The following PDE10A variants were observed in gnomAD, a reference collection of about 807,000 sequenced individuals.
The protein encoded by PDE10A is cAMP and cAMP-inhibited cGMP 3',5'-cyclic phosphodiesterase 10A.
A neutral mutation model predicts 97.7 loss-of-function variants in PDE10A; 39 were observed. The ratio of observed to expected loss-of-function variants is 0.40; its 90% CI spans 0.31 to 0.52. The LOEUF (loss-of-function observed/expected upper bound fraction) is 0.52. PDE10A is among the 20% of genes least tolerant of loss of function. The pLI is 0.56. For missense variants in PDE10A, 731 were observed against 1,047.8 expected (o/e 0.70, Z 4.17); for synonymous variants, 371 against 376.8 (o/e 0.98, Z 0.18).
At chr6:165,678,099 GTGTA>G (rs1477378713) in intron 1 of PDE10A, among the ~76,000 whole-genome samples, 1 of 93,638 alleles carries the variant, frequency 1.1e-5, no homozygotes, top group Admixed American at 1.0e-4. Flanking sequence ...GTATTAATAT[GTGTA>G]TGTATTTGTG....
intron 2 of PDE10A, among the ~76,000 whole-genome samples, chr6:165,517,631 C>A (rs1175935835): frequency 1.3e-5 from 2 of 152,132 alleles, no homozygotes; most frequent in African/African-American, 2.4e-5. Flanking sequence ...CTCAAAAAGG[C>A]TCGACACTGC....
chr6:165,820,771 G>C (rs751725676), intron 1 of PDE10A, among the ~76,000 whole-genome samples: 43 of 152,316 alleles, frequency 2.8e-4, no homozygotes, highest in Non-Finnish European at 5.0e-4. Context: ...AAAAAACTGG[G>C]GAAGGCTCTT....
chr6:165,435,517 A>G, intron 5 of PDE10A, 140 bp from the exon 6 acceptor site: 1 of 635,630 alleles, frequency 1.6e-6, no homozygotes, highest in East Asian at 3.0e-5. Context: ...GTGCTTTGCC[A>G]TGATCAAACC....
At chr6:165,857,035 C>G (rs1400674420) in intron 1 of PDE10A, among the ~76,000 whole-genome samples, 1 of 152,192 alleles carries the variant, frequency 6.6e-6, no homozygotes, top group Non-Finnish European at 1.5e-5. Context: ...ATTCATCACC[C>G]AAGATACGCA....
At chr6:165,723,680 C>T (rs1792220451) in intron 1 of PDE10A, among the ~76,000 whole-genome samples, 1 of 152,210 alleles carries the variant, frequency 6.6e-6, no homozygotes, top group African/African-American at 2.4e-5. Context: ...AAATGAATAA[C>T]ACCCAGCCTT....
chr6:165,972,565 G>A (rs1020891343), intron 1 of PDE10A, among the ~76,000 whole-genome samples: 20 of 152,214 alleles, frequency 1.3e-4, no homozygotes, highest in South Asian at 2.1e-4. Context: ...GAGACACAGC[G>A]CACCCAAGCA....
rs147335549 is a variant in PDE10A at position 165,897,623 on chromosome 6, C to A, written c.-615+89906G>T. Among the ~76,000 whole-genome samples, 886 of 150,340 alleles carry A rather than the reference C, an allele frequency of 5.9e-3. 10 individuals are homozygous for A. The highest frequency in any genetic ancestry group is 0.019 in the African/African-American group (780 of 40,844). On this transcript the variant is annotated intron_variant, in intron 1 of 19. Coordinates refer to the PDE10A transcript ENST00000366882. ...TGGCAGGGGAGTGAGAAGGACCAGA[C>A]CCGCCCCCCAGCCCCCCCACCTCCA... is the stretch of plus-strand genomic sequence containing the variant.
chr6:165,663,306 C>T (rs888252093), upstream of PDE10A, among the ~76,000 whole-genome samples: 6 of 152,022 alleles, frequency 3.9e-5, no homozygotes, highest in African/African-American at 1.4e-4. Flanking sequence ...GTAGCGCGCC[C>T]CGCGGGACTC....
chr6:165,534,419 G>C (rs1782958100), intron 2 of PDE10A, among the ~76,000 whole-genome samples: 1 of 151,670 alleles, frequency 6.6e-6, no homozygotes, highest in Non-Finnish European at 1.5e-5. Context: ...AAACACTGAG[G>C]AGGAGAAAAT....
intron 1 of PDE10A, among the ~76,000 whole-genome samples, chr6:165,856,577 C>A (rs1476534416): frequency 6.6e-6 from 1 of 152,226 alleles, no homozygotes; most frequent in Admixed American, 6.5e-5. Context: ...TAAAACCACA[C>A]ACTTAGGAAC....
At chr6:165,783,656 C>G (rs1583082702) in intron 1 of PDE10A, among the ~76,000 whole-genome samples, 1 of 152,138 alleles carries the variant, frequency 6.6e-6, no homozygotes, top group Admixed American at 6.5e-5. Flanking sequence ...ACATTCAGAG[C>G]AAAGGTATCA....
intron 1 of PDE10A, among the ~76,000 whole-genome samples, chr6:165,905,364 T>C (rs1782231276): frequency 6.6e-6 from 1 of 152,182 alleles, no homozygotes; most frequent in East Asian, 1.9e-4. Flanking sequence ...CTAGCCTAAG[T>C]TTACATACAT....
chr6:165,845,808 A>C (rs1048333219), intron 1 of PDE10A, among the ~76,000 whole-genome samples: 3 of 151,964 alleles, frequency 2.0e-5, no homozygotes, highest in African/African-American at 4.8e-5. Flanking sequence ...AAATATGTAC[A>C]TGATTTATTA....
At chr6:165,955,758 G>A (rs946637192) in intron 1 of PDE10A, among the ~76,000 whole-genome samples, 14 of 152,244 alleles carry the variant, frequency 9.2e-5, no homozygotes, top group Middle Eastern at 3.4e-3. Flanking sequence ...TTCTAGTAAC[G>A]TGTTAACTAG....
chr6:165,590,795 G>C (rs1489182237), intron 1 of PDE10A, among the ~76,000 whole-genome samples: 1 of 152,176 alleles, frequency 6.6e-6, no homozygotes, highest in Non-Finnish European at 1.5e-5. Context: ...GGAGGCTGAG[G>C]CAGGAGAATG....
At chr6:165,454,805 T>C (rs945203604) in intron 3 of PDE10A, among the ~76,000 whole-genome samples, 2 of 152,228 alleles carry the variant, frequency 1.3e-5, no homozygotes, top group East Asian at 1.9e-4. Context: ...GCGCAGACTA[T>C]TGACATATTT....
At position 165,866,666 on chromosome 6, in the gene PDE10A, C is replaced by CA. The variant is rs1491487414; in HGVS notation, c.-615+120862dup. 5.8e-4 allele frequency among the ~76,000 whole-genome samples: 30 copies of CA among 51,528 alleles called. 1 individual carries two copies. Among genetic ancestry groups the CA allele is most frequent in the South Asian group, 9.9e-4 (1 of 1,014 alleles). The allele number at this position is 51,528 out of a possible 152,430, so 33.8% of individuals were successfully genotyped here. ...AAGACAAAGAGAATTCTAAAAACAG[C>CA]AAAAAAACAACAAAAAAGAGTCAGT... On this transcript the variant is annotated intron_variant, in intron 1 of 19. Coordinates refer to the PDE10A transcript ENST00000366882.
At chr6:165,444,710 T>C (rs190412087) in intron 5 of PDE10A, among the ~76,000 whole-genome samples, 2 of 152,162 alleles carry the variant, frequency 1.3e-5, no homozygotes, top group East Asian at 3.9e-4. Context: ...AAATGTTCTA[T>C]GTGAAAAAAA....
chr6:165,760,561 T>C (rs867780483), intron 1 of PDE10A, among the ~76,000 whole-genome samples: 13 of 152,202 alleles, frequency 8.5e-5, no homozygotes, highest in South Asian at 4.1e-4. Context: ...GTTTGTTGAA[T>C]GGGTGAATGA....
Sources: gnomAD v4.1 joint callset for allele counts (sites outside exome capture counted in the v4.1 genomes callset) on GRCh38, gnomAD v4.1.1 for gene constraint, MANE v1.5 for transcripts, NCBI Gene and HGNC (gene_info 2026-07-23, HGNC 2026-07-21) for gene names.